FAM117A: variants seen among roughly 807,000 people sequenced by gnomAD.
FAM117A encodes the protein family with sequence similarity 117 member A, also known as protein FAM117A.
FAM117A carries 21 observed loss-of-function variants against 44.1 expected under a neutral mutation model. The ratio of observed to expected loss-of-function variants is 0.48; its 90% confidence interval spans 0.34 to 0.69. The LOEUF (loss-of-function observed/expected upper bound fraction) is 0.69. Among genes scored for constraint, FAM117A ranks in the 30% least tolerant of loss-of-function variants. The pLI, the probability that FAM117A is intolerant of heterozygous loss-of-function variation, is 0.01. For missense variants in FAM117A, 498 were observed against 589.9 expected (o/e 0.84, Z 1.61); for synonymous variants, 220 against 238.3 (o/e 0.92, Z 0.71).
At chr17:49,742,980 G>A (rs2073640672) in intron 1 of FAM117A, among the ~76,000 whole-genome samples, 1 of 152,194 alleles carries the variant, frequency 6.6e-6, no homozygotes. Flanking sequence ...AGAGAGGGCT[G>A]AGCTTCCAAG....
At chr17:49,730,120 A>G (rs1415160325) in intron 2 of FAM117A, among the ~76,000 whole-genome samples, 1 of 152,232 alleles carries the variant, frequency 6.6e-6, no homozygotes, top group Non-Finnish European at 1.5e-5. Flanking sequence ...CCAGAAGACC[A>G]GGAATGAAAG....
At chr17:49,716,121 G>A in intron 7 of FAM117A, 44 bp downstream of exon 7, 2 of 1,585,328 alleles carry the variant, frequency 1.3e-6, no homozygotes, top group Non-Finnish European at 1.7e-6. Context: ...GGAGAATGTA[G>A]GCCCACCCTC....
intron 1 of FAM117A, among the ~76,000 whole-genome samples, chr17:49,776,088 G>A (rs1394272134): frequency 6.6e-6 from 1 of 152,084 alleles, no homozygotes; most frequent in Non-Finnish European, 1.5e-5. Context: ...AAGTAACACA[G>A]CCAACAGCCA....
chr17:49,752,093 TA>T (rs562481524), intron 1 of FAM117A, among the ~76,000 whole-genome samples: 43 of 148,986 alleles, frequency 2.9e-4, no homozygotes, highest in African/African-American at 8.3e-4. Context: ...CCATCTCTAT[TA>T]AAAAAAAAAA....
At position 49,716,523 on chromosome 17, in the gene FAM117A, C is replaced by T. The variant is rs764250826; in HGVS notation, c.911-208G>A. Reference sequence around the variant, plus strand: ...CACAGTGTATAACAGAACAGAAAAACGGAGTTGAATGTATGGAAAGTTAAG... The same window carrying T: ...CACAGTGTATAACAGAACAGAAAAATGGAGTTGAATGTATGGAAAGTTAAG... On this transcript the variant is annotated intron_variant, in intron 6 of 7. Coordinates refer to ENST00000240364, the MANE Select transcript of FAM117A (RefSeq NM_030802.4). Among the ~76,000 whole-genome samples the T allele has an allele frequency of 4.6e-5, 7 of 152,134 alleles. No homozygotes were observed. The South Asian group carries it at 6.2e-4, about 14-fold the overall frequency.
At chr17:49,780,973 G>A (rs73335292) in intron 1 of FAM117A, among the ~76,000 whole-genome samples, 1 of 152,140 alleles carries the variant, frequency 6.6e-6, no homozygotes, top group Non-Finnish European at 1.5e-5. Context: ...TGAGATTATA[G>A]GTGCCCACCA....
chr17:49,736,964 T>A (rs368709820), intron 1 of FAM117A, among the ~76,000 whole-genome samples: 1 of 152,220 alleles, frequency 6.6e-6, no homozygotes, highest in African/African-American at 2.4e-5. Context: ...GGGCTGGCAA[T>A]TGGCAGGCAT....
intron 2 of FAM117A, among the ~76,000 whole-genome samples, chr17:49,727,790 C>T (rs1386540315): frequency 6.6e-6 from 1 of 152,248 alleles, no homozygotes; most frequent in Non-Finnish European, 1.5e-5. Flanking sequence ...CAGGAAAGTC[C>T]TGGCCCTCAC....
chr17:49,725,177 C>T (rs371167852), intron 2 of FAM117A, among the ~76,000 whole-genome samples: 12 of 152,232 alleles, frequency 7.9e-5, no homozygotes, highest in Middle Eastern at 3.2e-3. Context: ...ACGGCCTGCC[C>T]GGCCAACTAT....
chr17:49,742,351 TAAG>T (rs1172122484), intron 1 of FAM117A, among the ~76,000 whole-genome samples: 1 of 151,896 alleles, frequency 6.6e-6, no homozygotes, highest in Non-Finnish European at 1.5e-5. Context: ...GGAAAAAAAA[TAAG>T]GAATACATTG....
chr17:49,740,311 G>A (rs1197273798), intron 1 of FAM117A, among the ~76,000 whole-genome samples: 2 of 151,564 alleles, frequency 1.3e-5, no homozygotes, highest in Non-Finnish European at 2.9e-5. Flanking sequence ...GCAGTGGCGC[G>A]ATCTCGGCGC....
intron 1 of FAM117A, among the ~76,000 whole-genome samples, chr17:49,759,392 T>C (rs1304707641): frequency 6.6e-6 from 1 of 152,186 alleles, no homozygotes; most frequent in Non-Finnish European, 1.5e-5. Context: ...ATGTGCCTGG[T>C]GCTGGCAAAG....
intron 1 of FAM117A, among the ~76,000 whole-genome samples, chr17:49,780,248 AT>A (rs1026140561): frequency 2.6e-5 from 4 of 152,170 alleles, no homozygotes; most frequent in African/African-American, 7.2e-5. Flanking sequence ...AAAGACCCAC[AT>A]TTTACAAATG....
At chr17:49,764,878 T>C (rs376027504), upstream of FAM117A, among the ~76,000 whole-genome samples, 4 of 152,304 alleles carry the variant, frequency 2.6e-5, no homozygotes, top group Admixed American at 6.5e-5. Context: ...GTAAATTAAA[T>C]TGGGACTCTG....
intron 1 of FAM117A, among the ~76,000 whole-genome samples, chr17:49,786,211 C>CAT (rs2073805396): frequency 6.6e-6 from 1 of 152,116 alleles, no homozygotes; most frequent in African/African-American, 2.4e-5. Flanking sequence ...GGACAAGAAC[C>CAT]ATATCTAAAT....
intron 1 of FAM117A, among the ~76,000 whole-genome samples, chr17:49,774,171 ACTCT>A (rs964759072): frequency 2.6e-5 from 4 of 151,866 alleles, no homozygotes; most frequent in African/African-American, 9.7e-5. Flanking sequence ...AGATAGTCTC[ACTCT>A]CTCTCTGTTA....
rs149165393 is a variant in FAM117A, at chr17:49,720,526, G to A, written c.463-90C>T. 8.7e-5 allele frequency: 81 copies of A among 933,504 alleles called. 1 individual carries two copies. In the East Asian group the frequency reaches 1.5e-3, roughly 17 times the overall value. 57.8% of individuals were successfully genotyped at this position (933,504 alleles called of 1,614,324 possible). ...TTCCAAAGAGTGGCTCCTGGCAGAG[G>A]CCCATGAAGATATATACAAGGAGGA... On this transcript the variant is annotated intron_variant, in intron 3 of 7. Transcript: ENST00000240364.
chr17:49,788,335 C>CTTA (rs2073832521), intron 1 of FAM117A, among the ~76,000 whole-genome samples: 1 of 152,136 alleles, frequency 6.6e-6, no homozygotes, highest in African/African-American at 2.4e-5. Flanking sequence ...GGGGTTAAAT[C>CTTA]TAATCTCAGC....
chr17:49,715,745 GC>G (rs2073499409), intron 7 of FAM117A, among the ~76,000 whole-genome samples: 1 of 152,134 alleles, frequency 6.6e-6, no homozygotes, highest in South Asian at 2.1e-4. Flanking sequence ...CTCCAGTGGG[GC>G]TGAAACACTT....
Sources: allele counts gnomAD v4.1 joint callset (sites outside exome capture counted in the v4.1 genomes callset), GRCh38; gene constraint gnomAD v4.1.1; transcripts MANE v1.5; gene names NCBI Gene and HGNC (gene_info 2026-07-23, HGNC 2026-07-21).